Variants in DAB1 observed in about 807,000 individuals in gnomAD.
The protein encoded by DAB1 is DAB adaptor protein 1, also known as disabled homolog 1.
Under a neutral mutation model 64.6 loss-of-function variants are expected in DAB1, and 15 were observed. The observed-to-expected ratio is 0.23, with a 90% CI of 0.16 to 0.36. The LOEUF (loss-of-function observed/expected upper bound fraction) is 0.36, where lower values mean the gene tolerates loss of function less well. DAB1 is among the 10% of genes least tolerant of loss of function. The pLI is 1.00. For missense variants in DAB1, 596 were observed against 706.7 expected, an observed-to-expected ratio of 0.84 and a Z score of 1.78; for synonymous variants, 235 against 251.9, an observed-to-expected ratio of 0.93 and a Z score of 0.64.
chr1:57,715,766 C>G (rs1246938647), intron 6 of DAB1, among the ~76,000 whole-genome samples: 2 of 151,812 alleles, frequency 1.3e-5, no homozygotes, highest in Non-Finnish European at 1.5e-5. Context: ...ACTATAAAAT[C>G]ATGAAAAAAA....
chr1:57,697,521 A>C (rs1379147611), intron 6 of DAB1, among the ~76,000 whole-genome samples: 1 of 151,908 alleles, frequency 6.6e-6, no homozygotes, highest in Non-Finnish European at 1.5e-5. Flanking sequence ...TGCTCATTGT[A>C]AGAAATGATA....
intron 9 of DAB1, among the ~76,000 whole-genome samples, chr1:57,047,120 A>T (rs113192601): frequency 2.8e-4 from 43 of 152,332 alleles, no homozygotes; most frequent in African/African-American, 1.0e-3. Context: ...TTAGATTCTT[A>T]GTTATGCCTC....
intron 4 of DAB1, among the ~76,000 whole-genome samples, chr1:58,256,305 C>T (rs1442894977): frequency 6.6e-6 from 1 of 152,156 alleles, no homozygotes; most frequent in Non-Finnish European, 1.5e-5. Flanking sequence ...CTGTGAGTAC[C>T]GAAGCCGGTG....
chr1:57,367,122 T>TAAAA (rs1570382070), intron 1 of DAB1, among the ~76,000 whole-genome samples: 3 of 123,226 alleles, frequency 2.4e-5, no homozygotes, highest in East Asian at 4.4e-4. Flanking sequence ...ATAAAATAAA[T>TAAAA]AAATTAGCCA....
chr1:57,753,755 A>C (rs1022069149), intron 6 of DAB1, among the ~76,000 whole-genome samples: 2 of 152,106 alleles, frequency 1.3e-5, no homozygotes, highest in African/African-American at 2.4e-5. Flanking sequence ...TTCATATTTT[A>C]GTGGTGGAAT....
intron 2 of DAB1, among the ~76,000 whole-genome samples, chr1:57,164,927 T>C (rs1359525193): frequency 6.6e-6 from 1 of 152,184 alleles, no homozygotes; most frequent in Non-Finnish European, 1.5e-5. Context: ...CATGAGTTTC[T>C]GTATATCTGG....
rs1048756374 is a variant in DAB1 at position 58,057,058 on chromosome 1, T to C, written n.387+93453A>G. 5.9e-5 allele frequency among the ~76,000 whole-genome samples: 9 copies of C among 152,218 alleles called. No homozygotes were observed. In the South Asian group the frequency reaches 1.2e-3, roughly 21 times the overall value. On this transcript the variant is annotated intron_variant and non_coding_transcript_variant, in intron 5 of 20. Coordinates refer to the DAB1 transcript ENST00000485760. ...TACCTTCTATTTTCTACTAGGACCC[T>C]AATTGATGACACACTTTGTAAACTC...
chr1:58,439,778 A>G (rs1174730656), intron 3 of DAB1, among the ~76,000 whole-genome samples: 1 of 152,226 alleles, frequency 6.6e-6, no homozygotes, highest in Non-Finnish European at 1.5e-5. Flanking sequence ...CTTAAACAAT[A>G]TGTTGAGGCC....
intron 7 of DAB1, among the ~76,000 whole-genome samples, chr1:57,431,916 G>A (rs1685532347): frequency 6.6e-6 from 1 of 152,164 alleles, no homozygotes; most frequent in Non-Finnish European, 1.5e-5. Flanking sequence ...GAGGTCAGGA[G>A]TTCAAGAGCA....
At chr1:58,321,801 T>A (rs35135328) in intron 4 of DAB1, among the ~76,000 whole-genome samples, 26,846 of 152,266 alleles carry the variant, frequency 0.18, 2,834 homozygotes, top group African/African-American at 0.29. Context: ...CTGCAAGGCC[T>A]GCTGCCTCTG....
chr1:58,321,822 C>G (rs541338241), intron 4 of DAB1, among the ~76,000 whole-genome samples: 76 of 152,318 alleles, frequency 5.0e-4, no homozygotes, highest in Non-Finnish European at 8.4e-4. Flanking sequence ...TAGACCCCAC[C>G]CCTGGGGGCA....
chr1:58,460,660 G>T (rs532212883), intron 3 of DAB1, among the ~76,000 whole-genome samples: 1 of 152,080 alleles, frequency 6.6e-6, no homozygotes, highest in Non-Finnish European at 1.5e-5. Context: ...CCCTTCCCAC[G>T]CATGTGTGTA....
intron 3 of DAB1, among the ~76,000 whole-genome samples, chr1:58,465,477 C>T (rs1645287424): frequency 6.6e-6 from 1 of 152,194 alleles, no homozygotes; most frequent in Admixed American, 6.5e-5. Flanking sequence ...TGCAACCAAT[C>T]ACTGTAAAAA....
chr1:57,574,784 G>A (rs1380174040), intron 7 of DAB1, among the ~76,000 whole-genome samples: 1 of 152,164 alleles, frequency 6.6e-6, no homozygotes, highest in African/African-American at 2.4e-5. Context: ...CCCACTGGTT[G>A]GCTTGGCTCA....
At chr1:57,007,833 C>A (rs1345588752) in intron 14 of DAB1, among the ~76,000 whole-genome samples, 1 of 152,176 alleles carries the variant, frequency 6.6e-6, no homozygotes, top group East Asian at 1.9e-4. Context: ...CTCTCTTCTC[C>A]AAATGTTTGG....
At chr1:58,177,690 T>C (rs973960987) in intron 4 of DAB1, among the ~76,000 whole-genome samples, 1 of 151,654 alleles carries the variant, frequency 6.6e-6, no homozygotes, top group Non-Finnish European at 1.5e-5. Flanking sequence ...CTCTGCAAAG[T>C]ATATATAAAC....
intron 4 of DAB1, among the ~76,000 whole-genome samples, chr1:58,154,515 T>A (rs1047226390): frequency 9.9e-5 from 15 of 152,108 alleles, no homozygotes; most frequent in African/African-American, 3.4e-4. Context: ...CAGAAAGGAA[T>A]GTGGTGTGGT....
At chr1:58,500,139 T>C (rs1033056320) in intron 3 of DAB1, among the ~76,000 whole-genome samples, 2 of 152,166 alleles carry the variant, frequency 1.3e-5, no homozygotes, top group African/African-American at 4.8e-5. Context: ...TTTTTTCTAA[T>C]AGCCCATTCA....
intron 4 of DAB1, among the ~76,000 whole-genome samples, chr1:57,107,427 A>G (rs1655272896): frequency 6.6e-6 from 1 of 151,796 alleles, no homozygotes; most frequent in African/African-American, 2.4e-5. Context: ...AACATAATAT[A>G]GAGTGCTGCC....
Sources: gnomAD v4.1 joint callset for allele counts (sites outside exome capture counted in the v4.1 genomes callset) on GRCh38, gnomAD v4.1.1 for gene constraint, MANE v1.5 for transcripts, NCBI Gene and HGNC (gene_info 2026-07-23, HGNC 2026-07-21) for gene names.